SEMA3G: variants seen among roughly 807,000 people sequenced by gnomAD.
SEMA3G encodes semaphorin-3G.
In SEMA3G, 70 loss-of-function variants were observed where a neutral mutation model predicts 86.2. That is an observed-to-expected ratio of 0.81 (90% CI 0.67 to 0.99). The LOEUF is 0.99. Ranked by LOEUF, SEMA3G falls within the 50% of genes least tolerant of loss-of-function variation. The pLI, the probability that SEMA3G is intolerant of heterozygous loss-of-function variation, is 0.00. For missense variants in SEMA3G, 1,002 were observed against 1,072.4 expected (o/e 0.93, Z 0.92); for synonymous variants, 416 against 441.4 (o/e 0.94, Z 0.72).
intron 12 of SEMA3G, 100 bp downstream of exon 12, chr3:52,439,580 A>C: frequency 2.1e-6 from 2 of 934,646 alleles, no homozygotes; most frequent in Admixed American, 3.9e-5. Context: ...TTCAGTAAAG[A>C]CAGGCTGGCT....
In SEMA3G at chr3:52,440,759, G is replaced by C. The variant is rs767726274; in HGVS notation, c.993C>G (p.Thr331=). 6.2e-7 allele frequency: 1 copy of C among 1,612,140 alleles called. No individual in the cohort carries two copies. Among genetic ancestry groups the C allele is most frequent in the African/African-American group, 1.3e-5 (1 of 74,938 alleles). The change falls in exon 9 of 16, where the codon ACC becomes ACG. Residue 331 remains threonine (T), a synonymous_variant. Transcript: ENST00000231721. ...KSLEVYALFS[T]VSAVFQGFAV... ...GGGGTGCTGGGTGTGCCCACCTGAC[G>C]GTGCTGAACAGCGCGTACACCTCGA...
In SEMA3G at chr3:52,434,691, A is replaced by G. The variant is rs1183178197; in HGVS notation, c.*912T>C. On this transcript the variant is annotated 3_prime_UTR_variant, in exon 16 of 16. Coordinates refer to ENST00000231721, the MANE Select transcript of SEMA3G (RefSeq NM_020163.3). The surrounding 1 kb of genome is among the most constrained non-coding windows in gnomAD (Gnocchi z 5.2). ...GCGGCATGCTTGCATCACCCTGGGA[A>G]AGACAGCCCACTCTTCCCGCCTGCA... 6.6e-6 allele frequency: 1 copy of G among 152,334 alleles called. No homozygotes were observed. The highest frequency in any genetic ancestry group is 2.1e-4 in the South Asian group (1 of 4,816). The allele number at this position is 152,334 out of a possible 1,614,324, so 9.4% of individuals were successfully genotyped here.
rs1403604647 is a variant in SEMA3G, at chr3:52,440,372, C to A, written c.1143+5G>T. The A allele has an allele frequency of 6.3e-7, 1 of 1,593,938 alleles. No homozygotes were observed. Among genetic ancestry groups the A allele is most frequent in the South Asian group, 1.1e-5 (1 of 88,584 alleles). ...TTCCCTGGCCTGGCCCCAGCAGATA[C>A]TCACCACGCCAGGGCGAGGGAAGGG... On this transcript the variant is annotated splice_donor_5th_base_variant and intron_variant, in intron 10 of 15. Coordinates refer to ENST00000231721, the MANE Select transcript of SEMA3G (RefSeq NM_020163.3).
Position 52,440,376 on chromosome 3 carries a change from C to G in SEMA3G, c.1143+1G>C. The G allele has an allele frequency of 6.3e-7, 1 of 1,598,606 alleles. No homozygotes were observed. Among genetic ancestry groups the G allele is most frequent in the Non-Finnish European group, 8.5e-7 (1 of 1,174,088 alleles). Reference sequence around the variant, plus strand: ...CTGGCCTGGCCCCAGCAGATACTCACCACGCCAGGGCGAGGGAAGGGCACC... The same window carrying G: ...CTGGCCTGGCCCCAGCAGATACTCAGCACGCCAGGGCGAGGGAAGGGCACC... On this transcript the variant is annotated splice_donor_variant, in intron 10 of 15. Coordinates refer to ENST00000231721, the MANE Select transcript of SEMA3G (RefSeq NM_020163.3). LOFTEE classifies it high-confidence loss of function.
At position 52,445,012 on chromosome 3, in the gene SEMA3G, AG is replaced by A. The variant is rs1706240009; in HGVS notation, c.15del (p.Trp6GlyfsTer7). ...CCCCCTAGCAGCCAGCAAATGGCCC[AG>A]GCCGAGGGGGCCATGCTGGGGAACT... MAPS[A>X]WAICWLLGGL... On this transcript the variant is annotated frameshift_variant, in exon 1 of 16. Coordinates refer to ENST00000231721, the MANE Select transcript of SEMA3G (RefSeq NM_020163.3). LOFTEE classifies it high-confidence loss of function. The A allele has an allele frequency of 7.8e-7, 1 of 1,285,344 alleles. No homozygotes were observed. The highest frequency in any genetic ancestry group is 9.9e-7 in the Non-Finnish European group (1 of 1,010,462). The allele number at this position is 1,285,344 out of a possible 1,614,324, so 79.6% of individuals were successfully genotyped here.
At chr3:52,436,995 C>T (rs914415542) in intron 15 of SEMA3G, among the ~76,000 whole-genome samples, 11 of 152,190 alleles carry the variant, frequency 7.2e-5, no homozygotes, top group Admixed American at 3.9e-4. Flanking sequence ...TAGACCTTTC[C>T]GGATGGGGGA....
chr3:52,440,773 C>A lies in SEMA3G; in HGVS notation c.979G>T (p.Ala327Ser), dbSNP rs201087157. ...PKAGKSLEVYALFSTVSAVFQ... is the reference protein window; with the variant it reads ...PKAGKSLEVYSLFSTVSAVFQ... ...GCCCACCTGACGGTGCTGAACAGCGCGTACACCTCGAGGCTCTTCCCGGCC... is the reference window on the plus strand; with the variant it reads ...GCCCACCTGACGGTGCTGAACAGCGAGTACACCTCGAGGCTCTTCCCGGCC... The change falls in exon 9 of 16, where the codon GCG becomes TCG. Residue 327 changes from alanine to serine, a missense_variant. Transcript: ENST00000231721. The A allele has an allele frequency of 1.9e-6, 3 of 1,612,974 alleles. No homozygotes were observed.
rs1292675686 is a variant in SEMA3G, at chr3:52,442,561, A to C, written c.337T>G (p.Leu113Val). The C allele has an allele frequency of 6.2e-7, 1 of 1,613,904 alleles. No individual in the cohort carries two copies. The highest frequency in any genetic ancestry group is 1.3e-5 in the African/African-American group (1 of 74,874). The change falls in exon 3 of 16, where the codon TTG (leucine) becomes GTG (valine). Residue 113 changes from leucine (L) to valine (V), a missense_variant and splice_region_variant. Physicochemically the swap from Leu to Val is conservative, Grantham distance 32. Coordinates refer to ENST00000231721, the MANE Select transcript of SEMA3G (RefSeq NM_020163.3). The surrounding 1 kb of genome is among the most constrained non-coding windows in gnomAD (Gnocchi z 6.1). Reference protein sequence around the residue: ...EECVRKGRDPLTECANFVRVL... With the variant: ...EECVRKGRDPVTECANFVRVL... ...CCATCCCTCCCGACAGCACTCACCAAAGGATCTCTTCCCTTTCGAACACAC... is the reference window on the plus strand; with the variant it reads ...CCATCCCTCCCGACAGCACTCACCACAGGATCTCTTCCCTTTCGAACACAC...
Position 52,433,770 on chromosome 3 carries a change from C to G in SEMA3G, c.*1833G>C, listed in dbSNP as rs1559606859. On this transcript the variant is annotated 3_prime_UTR_variant, in exon 16 of 16. Coordinates refer to ENST00000231721, the MANE Select transcript of SEMA3G (RefSeq NM_020163.3). The stretch of plus-strand genomic sequence containing the variant: ...CAGAGCTGGCTGCAGCTCTGATACC[C>G]TTTCCTGGAGCTCTGCACTCTCTCC... The G allele has an allele frequency of 6.6e-6, 1 of 152,660 alleles. No homozygotes were observed. Among genetic ancestry groups the G allele is most frequent in the Non-Finnish European group, 1.5e-5 (1 of 68,104 alleles). The allele number at this position is 152,660 out of a possible 1,614,324, so 9.5% of individuals were successfully genotyped here.
At chr3:52,438,773 T>A (rs1706093871) in intron 13 of SEMA3G, 147 bp downstream of exon 13, 2 of 1,481,052 alleles carry the variant, frequency 1.4e-6, no homozygotes, top group Non-Finnish European at 1.8e-6. Flanking sequence ...ACTGGCCACT[T>A]GTTGCAGGGG....
Position 52,440,828 on chromosome 3 carries a change from G to T in SEMA3G, c.929-5C>A. ...GCCACAGCAGGAACACATCCTCTGG[G>T]GTAGAGAAAGGAGTATGAGTGTCAT... On this transcript the variant is annotated splice_region_variant and splice_polypyrimidine_tract_variant and intron_variant, in intron 8 of 15. Coordinates refer to ENST00000231721, the MANE Select transcript of SEMA3G (RefSeq NM_020163.3). 2.5e-6 allele frequency: 4 copies of T among 1,611,826 alleles called. No individual in the cohort carries two copies. In the African/African-American group the frequency reaches 4.0e-5, roughly 16 times the overall value.
rs1238333531 is a variant in SEMA3G, at chr3:52,438,088, C to T, written c.1621G>A (p.Ala541Thr). 4 of 1,613,150 alleles carry T rather than the reference C, an allele frequency of 2.5e-6. No homozygotes were observed. The highest frequency in any genetic ancestry group is 1.3e-5 in the African/African-American group (1 of 74,952). The change falls in exon 14 of 16, where the codon GCC becomes ACC. Residue 541 changes from alanine to threonine, a missense_variant. Transcript: ENST00000231721. ...ECCLARDPYC[A>T]WDGASCTHYR... ...TGGGTACAGGAGGCACCATCCCAGG[C>T]ACAGTATGGGTCCCGGGCCAGGCAG...
chr3:52,436,271 C>T (rs1706049050), intron 15 of SEMA3G, among the ~76,000 whole-genome samples, 198 bp from the exon 16 acceptor site: 1 of 152,250 alleles, frequency 6.6e-6, no homozygotes, highest in Non-Finnish European at 1.5e-5. Flanking sequence ...TGGGGCCTCA[C>T]CTTCCCATAG....
In SEMA3G at chr3:52,434,765, CAACAA is replaced by C. The variant is rs1420834728; in HGVS notation, c.*833_*837del. The C allele has an allele frequency of 1.3e-5, 2 of 152,230 alleles. No homozygotes were observed. The highest frequency in any genetic ancestry group is 2.4e-5 in the African/African-American group (1 of 41,442). The allele number at this position is 152,230 out of a possible 1,614,324, so 9.4% of individuals were successfully genotyped here. A position where few individuals can be genotyped will look rare whatever the true frequency, so the allele number is the denominator to read the frequency against. On this transcript the variant is annotated 3_prime_UTR_variant, in exon 16 of 16. Coordinates refer to ENST00000231721, the MANE Select transcript of SEMA3G (RefSeq NM_020163.3). This position sits in a 1 kb window ranked among gnomAD's most constrained non-coding sequence, Gnocchi z 5.2. Reference sequence around the variant, plus strand: ...ATCTCTAGTCCACAGACACAAGGGACAACAATGCCCCAGAACCCACCCCTCCCCGC... The same window carrying C: ...ATCTCTAGTCCACAGACACAAGGGACTGCCCCAGAACCCACCCCTCCCCGC...
chr3:52,439,099 G>T, intron 12 of SEMA3G, 138 bp from the exon 13 acceptor site: 1 of 888,246 alleles, frequency 1.1e-6, no homozygotes, highest in Non-Finnish European at 1.8e-6. Flanking sequence ...GGCAGCTAAG[G>T]CTAGACAGTC....
chr3:52,438,247 A>T (rs1223668920), intron 13 of SEMA3G, 48 bp from the exon 14 acceptor site: 6 of 1,536,414 alleles, frequency 3.9e-6, no homozygotes, highest in Non-Finnish European at 3.6e-6. Flanking sequence ...GGCTTCGCCC[A>T]CACGCAGCCA....
At position 52,438,147 on chromosome 3, in the gene SEMA3G, T is replaced by C. The variant is rs973338586; in HGVS notation, c.1562A>G (p.Gln521Arg). 6.2e-7 allele frequency: 1 copy of C among 1,613,214 alleles called. No homozygotes were observed. Among genetic ancestry groups the C allele is most frequent in the Non-Finnish European group, 8.5e-7 (1 of 1,179,994 alleles). ...RLGVAQLRLH[Q>R]CETYGTACAE... ...ACAGGCAGTGCCGTAAGTCTCACAT[T>C]GGTGCAGCCGCAGCTGGGCCACACC... Residue 521 changes from glutamine (Q) to arginine (R), a missense_variant, in exon 14 of 16, where the codon CAA becomes CGA. Transcript: ENST00000231721.
rs1362023876 is a variant in SEMA3G, at chr3:52,440,005, G to C, written c.1237C>G (p.Leu413Val). ...EVLQFARAHPLMFWPVRPRHG... is the reference protein window; with the variant it reads ...EVLQFARAHPVMFWPVRPRHG... ...CGAGGCCGCACAGGCCAGAACATGA[G>C]GGGGTGGGCTCGGGCAAACTGCAGC... Residue 413 changes from leucine to valine, a missense_variant, in exon 11 of 16, where the codon CTC becomes GTC. Physicochemically the swap from Leu to Val is conservative, Grantham distance 32. Coordinates refer to ENST00000231721, the MANE Select transcript of SEMA3G (RefSeq NM_020163.3). 1.2e-6 allele frequency: 2 copies of C among 1,612,794 alleles called. No homozygotes were observed. Among genetic ancestry groups the C allele is most frequent in the Admixed American group, 1.7e-5 (1 of 59,930 alleles).
Position 52,439,767 on chromosome 3 carries a change from T to A in SEMA3G, c.1380A>T (p.Ser460=), listed in dbSNP as rs1448472554. The A allele has an allele frequency of 6.2e-7, 1 of 1,613,602 alleles. No individual in the cohort carries two copies. The change falls in exon 12 of 16, where the codon TCA becomes TCT. Residue 460 remains serine (S), a synonymous_variant. Coordinates refer to ENST00000231721, the MANE Select transcript of SEMA3G (RefSeq NM_020163.3). ...GAGCGATGACTTTGAGCACAGACCC[T>A]GAGTCTGGGGCCAGGGAGGAGGGGT... ...TYDVIFLGTD[S]GSVLKVIALQ... is the part of the protein sequence containing the mutation.
Sources: allele counts gnomAD v4.1 joint callset (sites outside exome capture counted in the v4.1 genomes callset), GRCh38; gene constraint gnomAD v4.1.1; non-coding constraint Gnocchi (gnomAD v3.1); transcripts MANE v1.5; gene names NCBI Gene and HGNC (gene_info 2026-07-23, HGNC 2026-07-21).